PCDH15: variants seen among roughly 807,000 people sequenced by gnomAD.
PCDH15 encodes the protein protocadherin-15.
In PCDH15, 129 loss-of-function variants were observed where a neutral mutation model predicts 178.5. That is an observed-to-expected ratio of 0.72 (90% confidence interval 0.63 to 0.84). PCDH15 has a LOEUF of 0.84. Among genes scored for constraint, PCDH15 ranks in the 40% least tolerant of loss-of-function variants. PCDH15 has a pLI of 0.00. For synonymous variants in PCDH15, 800 were observed against 732.0 expected (o/e 1.09, Z -1.50); for missense variants, 2,230 against 2,099.9 (o/e 1.06, Z -1.21).
chr10:53,976,737 T>G (rs553632054), intron 21 of PCDH15, among the ~76,000 whole-genome samples: 79 of 152,246 alleles, frequency 5.2e-4, no homozygotes, highest in Middle Eastern at 3.4e-3. Context: ...CAATAATAAT[T>G]TGTTAAATGA....
At chr10:54,452,333 T>C (rs2076531605) in intron 3 of PCDH15, 1 of 152,018 alleles carries the variant, frequency 6.6e-6, no homozygotes, top group Non-Finnish European at 1.5e-5. Flanking sequence ...TGCCTTTTTC[T>C]TTCTCTATTC....
chr10:55,508,411 T>C (rs1447424944), intron 2 of PCDH15, among the ~76,000 whole-genome samples: 1 of 151,824 alleles, frequency 6.6e-6, no homozygotes, highest in African/African-American at 2.4e-5. Flanking sequence ...TTAAAAAGCA[T>C]TGCTACATTT....
intron 2 of PCDH15, among the ~76,000 whole-genome samples, chr10:55,334,756 A>T (rs1844333824): frequency 6.6e-6 from 1 of 152,202 alleles, no homozygotes; most frequent in South Asian, 2.1e-4. Context: ...AAAAATCTAG[A>T]TTGTTATTTG....
At chr10:54,516,723 C>T (rs1210010299) in intron 3 of PCDH15, among the ~76,000 whole-genome samples, 2 of 151,540 alleles carry the variant, frequency 1.3e-5, no homozygotes, top group South Asian at 2.1e-4. Context: ...CACAAAGATA[C>T]TCCTCGAGAA....
intron 18 of PCDH15, among the ~76,000 whole-genome samples, chr10:54,043,773 G>A (rs371987736): frequency 1.3e-5 from 2 of 152,036 alleles, no homozygotes; most frequent in South Asian, 4.1e-4. Flanking sequence ...GCTGGTCTGG[G>A]CACATGTGGC....
In PCDH15 at chr10:54,943,242, A is replaced by G. The variant is rs185146157; in HGVS notation, c.-79-45742T>C. On this transcript the variant is annotated intron_variant, in intron 2 of 5. Coordinates refer to the PCDH15 transcript ENST00000458638. ...ACAATTCCAACTTTGCAAGCCACTC[A>G]TATTCCTTGTCTCTTGGTGTTCATC... is the stretch of plus-strand genomic sequence containing the variant. Among the ~76,000 whole-genome samples, 969 of 152,072 alleles carry G rather than the reference A, an allele frequency of 6.4e-3. 6 individuals are homozygous for G. Among genetic ancestry groups the G allele is most frequent in the Non-Finnish European group, 9.7e-3 (656 of 67,888 alleles).
At chr10:54,146,423 C>G (rs2043909567) in intron 14 of PCDH15, among the ~76,000 whole-genome samples, 1 of 151,766 alleles carries the variant, frequency 6.6e-6, no homozygotes, top group South Asian at 2.1e-4. Context: ...AATTATCAAA[C>G]AGTAGTGCTT....
At chr10:54,192,130 A>AAG (rs1238632716) in intron 11 of PCDH15, among the ~76,000 whole-genome samples, 5 of 125,146 alleles carry the variant, frequency 4.0e-5, no homozygotes, top group Non-Finnish European at 7.9e-5. Flanking sequence ...GAAAGAAAGA[A>AAG]AGAGAAAGAG....
chr10:55,271,274 A>G (rs1258226257), intron 1 of PCDH15, among the ~76,000 whole-genome samples: 1 of 152,106 alleles, frequency 6.6e-6, no homozygotes, highest in Non-Finnish European at 1.5e-5. Flanking sequence ...TTTAAAAAAG[A>G]CAAAAAGAAA....
chr10:55,150,656 G>A (rs2589427), intron 2 of PCDH15, among the ~76,000 whole-genome samples: 137,331 of 152,156 alleles, frequency 0.9, 62,643 homozygotes, highest in Non-Finnish European at 0.97. Flanking sequence ...AGTATAATGC[G>A]TAATAATGAC....
At chr10:54,220,868 A>AAG (rs2052723759) in intron 9 of PCDH15, among the ~76,000 whole-genome samples, 4 of 143,206 alleles carry the variant, frequency 2.8e-5, no homozygotes, top group East Asian at 3.9e-4. Flanking sequence ...AAATAAATAA[A>AAG]TAAGTAAAAT....
At chr10:55,133,140 A>G (rs1838098542) in intron 2 of PCDH15, among the ~76,000 whole-genome samples, 1 of 152,194 alleles carries the variant, frequency 6.6e-6, no homozygotes, top group Non-Finnish European at 1.5e-5. Flanking sequence ...AAGCTATTAG[A>G]ATTTAAGTTT....
intron 2 of PCDH15, among the ~76,000 whole-genome samples, chr10:54,553,561 A>G (rs1160111434): frequency 1.3e-5 from 2 of 152,190 alleles, no homozygotes; most frequent in Non-Finnish European, 2.9e-5. Context: ...GGAGGTTTAT[A>G]CAAAAATGGC....
At chr10:54,900,454 G>T (rs117875496) in intron 2 of PCDH15, among the ~76,000 whole-genome samples, 2,434 of 152,230 alleles carry the variant, frequency 0.016, 28 homozygotes, top group Middle Eastern at 0.041. Context: ...GATAAAGTTT[G>T]TTAGTATTTA....
intron 1 of PCDH15, among the ~76,000 whole-genome samples, chr10:54,798,377 A>G (rs181183371): frequency 1.2e-3 from 184 of 152,230 alleles, no homozygotes; most frequent in Non-Finnish European, 2.0e-3. Flanking sequence ...ATCCCATTAC[A>G]AAAGAAAATA....
intron 2 of PCDH15, among the ~76,000 whole-genome samples, chr10:55,484,573 C>A (rs1011512815): frequency 6.6e-6 from 1 of 151,488 alleles, no homozygotes. Flanking sequence ...CCATGGAAGA[C>A]CCCAGATAGC....
intron 1 of PCDH15, among the ~76,000 whole-genome samples, chr10:55,183,945 G>T (rs1182855763): frequency 6.6e-6 from 1 of 151,952 alleles, no homozygotes; most frequent in Non-Finnish European, 1.5e-5. Context: ...ACTTCTAGCT[G>T]TGAAAATATA....
chr10:55,220,840 A>G (rs908870619), intron 1 of PCDH15, among the ~76,000 whole-genome samples: 4 of 151,944 alleles, frequency 2.6e-5, no homozygotes, highest in African/African-American at 9.7e-5. Context: ...TTAGGTACAC[A>G]TTTTCCATTC....
rs2135283620 is a variant in PCDH15 at position 54,020,323 on chromosome 10, G to A, written c.2620C>T (p.Leu874=). The part of the protein sequence containing the change: ...FFALHPFTGE[L]SLLRSLDYEA... ...TAATCTAAACTCCTTAAAAGCGATA[G>A]TTCTCCTGTAAATGGATGTAGTGCA... The change falls in exon 20 of 38, where the codon CTA becomes TTA. Residue 874 remains leucine, a synonymous_variant. Coordinates refer to ENST00000644397, the MANE Select transcript of PCDH15 (RefSeq NM_001384140.1). 1 of 1,613,804 alleles carries A rather than the reference G, an allele frequency of 6.2e-7. No individual in the cohort carries two copies. Among genetic ancestry groups the A allele is most frequent in the African/African-American group, 1.3e-5 (1 of 75,004 alleles).
Sources: gnomAD v4.1 joint callset for allele counts (sites outside exome capture counted in the v4.1 genomes callset) on GRCh38, gnomAD v4.1.1 for gene constraint, MANE v1.5 for transcripts, NCBI Gene and HGNC (gene_info 2026-07-23, HGNC 2026-07-21) for gene names.